Variants in CLN6 observed in about 807,000 individuals in gnomAD.
CLN6 encodes CLN6 transmembrane ER protein.
In CLN6, 22 loss-of-function variants were observed where a neutral mutation model predicts 33.3. The observed-to-expected ratio is 0.66, with a 90% CI of 0.47 to 0.94. CLN6 has a LOEUF of 0.94. Among genes scored for constraint, CLN6 ranks in the 40% least tolerant of loss-of-function variants. CLN6 has a pLI of 0.00. For missense variants in CLN6, 387 were observed against 417.1 expected, an observed-to-expected ratio of 0.93 and a Z score of 0.63; for synonymous variants, 201 against 174.6, an observed-to-expected ratio of 1.15 and a Z score of -1.19.
At chr15:68,245,725 C>T (rs1002086013) in intron 1 of CLN6, among the ~76,000 whole-genome samples, 8 of 152,046 alleles carry the variant, frequency 5.3e-5, no homozygotes, top group Non-Finnish European at 1.0e-4. Context: ...AATTAAGAGA[C>T]AGACAGTGGC....
At position 68,211,542 on chromosome 15, in the gene CLN6, G is replaced by A. The variant is rs879298070; in HGVS notation, c.486+133C>T. ...TTGAGCATCCTAGCTTGGGGCAGGC[G>A]ACAGTGCCCTCACCTAGCAGAATGC... is the stretch of plus-strand genomic sequence containing the variant. On this transcript the variant is annotated intron_variant, in intron 4 of 6. Transcript: ENST00000249806. This position sits in a 1 kb window ranked among gnomAD's most constrained non-coding sequence, Gnocchi z 5.9. The A allele has an allele frequency of 5.3e-5, 85 of 1,596,678 alleles. No individual in the cohort carries two copies. In the Admixed American group the frequency reaches 1.0e-3, roughly 19 times the overall value.
At chr15:68,229,767 A>AGCGGG (rs1555440246), upstream of CLN6, 5 of 318,888 alleles carry the variant, frequency 1.6e-5, no homozygotes, top group Admixed American at 1.0e-4. Context: ...AGCGGAGCGG[A>AGCGGG]GCGGAGCGGA....
chr15:68,224,443 G>A (rs191657327), intron 1 of CLN6, among the ~76,000 whole-genome samples: 198 of 151,554 alleles, frequency 1.3e-3, no homozygotes, highest in African/African-American at 4.6e-3. Context: ...CCAACATGAC[G>A]AAACTCCGTC....
At chr15:68,216,800 A>G (rs1018887357) in intron 2 of CLN6, among the ~76,000 whole-genome samples, 1 of 152,228 alleles carries the variant, frequency 6.6e-6, no homozygotes, top group Non-Finnish European at 1.5e-5. Context: ...CTTGCTGATT[A>G]TATCCCTACG....
chr15:68,236,842 T>C lies in CLN6; in HGVS notation c.180-18192A>G, dbSNP rs1892222961. ...ATAAGCAAATAGAAATTTTAGAGCT[T>C]AACAATTTGTTGACATTAAAACTGA... On this transcript the variant is annotated intron_variant, in intron 1 of 6. Coordinates refer to the CLN6 transcript ENST00000538696. The surrounding 1 kb of genome is among the most constrained non-coding windows in gnomAD (Gnocchi z 4.5). 6.6e-6 allele frequency among the ~76,000 whole-genome samples: 1 copy of C among 152,218 alleles called. No individual in the cohort carries two copies. The highest frequency in any genetic ancestry group is 2.4e-5 in the African/African-American group (1 of 41,454).
intron 1 of CLN6, among the ~76,000 whole-genome samples, chr15:68,235,587 A>T (rs1469244394): frequency 1.1e-5 from 1 of 95,108 alleles, no homozygotes; most frequent in African/African-American, 4.6e-5. Context: ...AATAAAAATA[A>T]ATATATATAT....
At chr15:68,252,714 G>C (rs1266408855) in intron 1 of CLN6, among the ~76,000 whole-genome samples, 1 of 152,192 alleles carries the variant, frequency 6.6e-6, no homozygotes, top group Non-Finnish European at 1.5e-5. Flanking sequence ...TATTCACAGA[G>C]TGCATGTACT....
At chr15:68,229,209 G>A (rs1054664449) in intron 1 of CLN6, among the ~76,000 whole-genome samples, 1 of 152,194 alleles carries the variant, frequency 6.6e-6, no homozygotes, top group African/African-American at 2.4e-5. Context: ...CGGGTCGCTG[G>A]AACGCGGGAA....
At chr15:68,218,418 T>C in intron 2 of CLN6, 118 bp downstream of exon 2, 1 of 798,300 alleles carries the variant, frequency 1.3e-6, no homozygotes, top group Admixed American at 1.8e-5. Flanking sequence ...CCAGGCCTAT[T>C]CTCTCAGTTT....
chr15:68,212,514 G>A (rs2093209080), intron 3 of CLN6: 1 of 152,970 alleles, frequency 6.5e-6, no homozygotes, highest in Non-Finnish European at 1.5e-5. Context: ...AGATATCTTG[G>A]GAATGCATAT....
chr15:68,223,958 A>G (rs1001410111), intron 1 of CLN6, among the ~76,000 whole-genome samples: 1 of 152,020 alleles, frequency 6.6e-6, no homozygotes, highest in Admixed American at 6.5e-5. Context: ...AGGCAGGACA[A>G]TCACTTAAAC....
chr15:68,226,468 CT>C (rs1048455531), intron 1 of CLN6, among the ~76,000 whole-genome samples: 1 of 151,832 alleles, frequency 6.6e-6, no homozygotes, highest in African/African-American at 2.4e-5. Flanking sequence ...GATCCTATCC[CT>C]TTTTTTTCTT....
intron 1 of CLN6, among the ~76,000 whole-genome samples, chr15:68,239,854 G>A (rs1288021735): frequency 6.6e-6 from 1 of 152,102 alleles, no homozygotes; most frequent in Non-Finnish European, 1.5e-5. Context: ...CATAAAACCA[G>A]CCTCAACAAA....
Position 68,241,038 on chromosome 15 carries a change from T to G in CLN6, c.179+15652A>C, listed in dbSNP as rs1567104425. Among the ~76,000 whole-genome samples the G allele has an allele frequency of 7.0e-6, 1 of 142,878 alleles. No homozygotes were observed. Among genetic ancestry groups the G allele is most frequent in the East Asian group, 2.0e-4 (1 of 5,020 alleles). The allele number at this position is 142,878 out of a possible 152,430, so 93.7% of individuals were successfully genotyped here. A position where few individuals can be genotyped will look rare whatever the true frequency, so the allele number is the denominator to read the frequency against. ...AGTAGCATTCACAAATAAGCAAGAA[T>G]ATGAATGAAGAACAGAAGAAAGCTG... On this transcript the variant is annotated intron_variant, in intron 1 of 6. Coordinates refer to the CLN6 transcript ENST00000538696. This position sits in a 1 kb window ranked among gnomAD's most constrained non-coding sequence, Gnocchi z 4.2.
In CLN6 at chr15:68,256,892, G is replaced by GC; in HGVS notation, c.-25dup. 3.4e-6 allele frequency: 2 copies of GC among 591,516 alleles called. No homozygotes were observed. Among genetic ancestry groups the GC allele is most frequent in the Non-Finnish European group, 3.1e-6 (1 of 322,844 alleles). 36.6% of individuals were successfully genotyped at this position (591,516 alleles called of 1,614,324 possible). Reference sequence around the variant, plus strand: ...ATTTTCCGCCCAGGCAAGGTCCTGGGCGCGGCTCTGGGGAGGGTCAGGGTG... The same window carrying GC: ...ATTTTCCGCCCAGGCAAGGTCCTGGGCCGCGGCTCTGGGGAGGGTCAGGGTG... On this transcript the variant is annotated 5_prime_UTR_variant, in exon 1 of 7. Transcript: ENST00000538696. This position sits in a 1 kb window ranked among gnomAD's most constrained non-coding sequence, Gnocchi z 4.1.
Position 68,241,883 on chromosome 15 carries a change from G to T in CLN6, c.179+14807C>A, listed in dbSNP as rs959136237. Among the ~76,000 whole-genome samples the T allele has an allele frequency of 6.6e-6, 1 of 152,168 alleles. No individual in the cohort carries two copies. The highest frequency in any genetic ancestry group is 1.5e-5 in the Non-Finnish European group (1 of 68,042). On this transcript the variant is annotated intron_variant, in intron 1 of 6. Transcript: ENST00000538696. The surrounding 1 kb of genome is among the most constrained non-coding windows in gnomAD (Gnocchi z 4.2). ...GAAATCATCTAGTGCCAAAAAGGAG[G>T]TAGTGACCTAGTGGAAAATAAACAA...
chr15:68,230,318 G>C (rs1272294197), upstream of CLN6, among the ~76,000 whole-genome samples: 1 of 152,136 alleles, frequency 6.6e-6, no homozygotes, highest in African/African-American at 2.4e-5. This position sits in a 1 kb window ranked among gnomAD's most constrained non-coding sequence, Gnocchi z 4.0. Context: ...AAGTGGGCTA[G>C]AGCAGATTTC....
intron 1 of CLN6, among the ~76,000 whole-genome samples, chr15:68,235,889 G>A (rs947470509): frequency 5.9e-5 from 9 of 152,160 alleles, no homozygotes; most frequent in Non-Finnish European, 1.2e-4. Flanking sequence ...TGAAACAAAA[G>A]TCCTTCCTTG....
At chr15:68,238,975 C>T (rs1431561850) in intron 1 of CLN6, among the ~76,000 whole-genome samples, 2 of 152,028 alleles carry the variant, frequency 1.3e-5, no homozygotes, top group Admixed American at 6.6e-5. Context: ...GAAGAAGGCC[C>T]GAGGTTGGTG....
Sources: allele counts gnomAD v4.1 joint callset (sites outside exome capture counted in the v4.1 genomes callset), GRCh38; gene constraint gnomAD v4.1.1; non-coding constraint Gnocchi (gnomAD v3.1); transcripts MANE v1.5; gene names NCBI Gene and HGNC (gene_info 2026-07-23, HGNC 2026-07-21).